The following SF3A2 variants were observed in gnomAD, a reference collection of about 807,000 sequenced individuals.
The protein encoded by SF3A2 is SAP 62.
Under a neutral mutation model 31.1 loss-of-function variants are expected in SF3A2, and 5 were observed. The ratio of observed to expected loss-of-function variants is 0.16; its 90% confidence interval spans 0.08 to 0.34. The LOEUF (loss-of-function observed/expected upper bound fraction) is 0.34. Among genes scored for constraint, SF3A2 ranks in the 10% least tolerant of loss-of-function variants. The pLI is 1.00. For missense variants in SF3A2, 577 were observed against 643.9 expected, an observed-to-expected ratio of 0.90 and a Z score of 1.13; for synonymous variants, 365 against 263.7, an observed-to-expected ratio of 1.38 and a Z score of -3.72.
At position 2,248,408 on chromosome 19, in the gene SF3A2, T is replaced by C. The variant is rs1599135012; in HGVS notation, c.1257T>C (p.Pro419=). Residue 419 remains proline (P), a synonymous_variant, in exon 9 of 9, where the codon CCT becomes CCC. Transcript: ENST00000221494. ...PQPPGVHPSA[P]GVHPQPPGVH... is the part of the protein sequence containing the mutation. ...CTCCCGGGGTCCATCCGTCGGCTCC[T>C]GGGGTCCACCCTCAGCCTCCGGGAG... 1 of 1,378,222 alleles carries C rather than the reference T, an allele frequency of 7.3e-7. No homozygotes were observed. Among genetic ancestry groups the C allele is most frequent in the Non-Finnish European group, 9.3e-7 (1 of 1,070,748 alleles). The allele number at this position is 1,378,222 out of a possible 1,614,324, so 85.4% of individuals were successfully genotyped here. A position where few individuals can be genotyped will look rare whatever the true frequency, so the allele number is the denominator to read the frequency against.
intron 7 of SF3A2, 115 bp from the exon 8 acceptor site, chr19:2,247,479 C>A: frequency 9.6e-7 from 1 of 1,037,246 alleles, no homozygotes; most frequent in South Asian, 1.4e-5. Context: ...CCAGCCTTCT[C>A]CTGGGCTCCC....
rs1374581401 is a variant in SF3A2 at position 2,248,629 on chromosome 19, C to T, written c.*83C>T. The T allele has an allele frequency of 2.4e-6, 1 of 424,916 alleles. No homozygotes were observed. The highest frequency in any genetic ancestry group is 4.1e-6 in the Non-Finnish European group (1 of 243,074). The allele number at this position is 424,916 out of a possible 1,614,324, so 26.3% of individuals were successfully genotyped here. ...AGAGAAGGCTGCTCTTTTGTACTGCCCCCCGCTCATTAAACAGCCTCCCCC... is the reference window on the plus strand; with the variant it reads ...AGAGAAGGCTGCTCTTTTGTACTGCTCCCCGCTCATTAAACAGCCTCCCCC... On this transcript the variant is annotated 3_prime_UTR_variant, in exon 9 of 9. Coordinates refer to ENST00000221494, the MANE Select transcript of SF3A2 (RefSeq NM_007165.5).
In SF3A2 at chr19:2,242,353, C is replaced by T. The variant is rs137896955; in HGVS notation, c.-37-1029C>T. ...CTTCTGGAGGCTCTGGGGGACAACT[C>T]GTTTCCTGCCTTTCCCAGTGTCCAG... On this transcript the variant is annotated intron_variant, in intron 1 of 8. Coordinates refer to ENST00000221494, the MANE Select transcript of SF3A2 (RefSeq NM_007165.5). Among the ~76,000 whole-genome samples the T allele has an allele frequency of 3.9e-5, 6 of 152,334 alleles. No homozygotes were observed. In the East Asian group the frequency reaches 7.7e-4, roughly 20 times the overall value.
At position 2,245,996 on chromosome 19, in the gene SF3A2, G is replaced by A. The variant is rs899663854; in HGVS notation, c.355+441G>A. 6.6e-6 allele frequency among the ~76,000 whole-genome samples: 1 copy of A among 152,194 alleles called. No homozygotes were observed. The highest frequency in any genetic ancestry group is 2.4e-5 in the African/African-American group (1 of 41,442). On this transcript the variant is annotated intron_variant, in intron 5 of 8. Coordinates refer to ENST00000221494, the MANE Select transcript of SF3A2 (RefSeq NM_007165.5). This position sits in a 1 kb window ranked among gnomAD's most constrained non-coding sequence, Gnocchi z 4.2. ...GCTAGAGGTGACCCCGGTTCAGAAA[G>A]CTGGGGAAGTGACCAGGGTGGAAGA...
chr19:2,243,467 G>A lies in SF3A2; in HGVS notation c.49G>A (p.Ala17Thr). ...PGGKTGSGGV[A>T]SSSESNRDRR... ...GGGCAAGACCGGGAGCGGGGGCGTG[G>A]CCTCCTCCTCCGAGAGCAACCGTGA... is the stretch of plus-strand genomic sequence containing the variant. Residue 17 changes from alanine to threonine, a missense_variant, in exon 2 of 9, where the codon GCC becomes ACC. Physicochemically the swap from Ala to Thr is moderately conservative, Grantham distance 58. This residue lies in a region of SF3A2 where 40 missense variants were observed against 50.0 expected (regional missense o/e 0.80). Coordinates refer to ENST00000221494, the MANE Select transcript of SF3A2 (RefSeq NM_007165.5). 1 of 1,556,100 alleles carries A rather than the reference G, an allele frequency of 6.4e-7. No homozygotes were observed. The highest frequency in any genetic ancestry group is 1.4e-5 in the African/African-American group (1 of 70,346).
Position 2,245,221 on chromosome 19 carries a change from G to A in SF3A2, c.246-225G>A. ...AAAAAAAGAGCAGAGGCATGGAGTT[G>A]TTGGAAGGGCCCCAGCCAGGGACAG... On this transcript the variant is annotated intron_variant, in intron 4 of 8. Coordinates refer to ENST00000221494, the MANE Select transcript of SF3A2 (RefSeq NM_007165.5). This position sits in a 1 kb window ranked among gnomAD's most constrained non-coding sequence, Gnocchi z 4.2. The A allele has an allele frequency of 1.9e-6, 1 of 530,484 alleles. No homozygotes were observed. The highest frequency in any genetic ancestry group is 3.4e-5 in the Admixed American group (1 of 29,204). 32.9% of individuals were successfully genotyped at this position (530,484 alleles called of 1,614,324 possible).
chr19:2,241,107 C>T lies in SF3A2; in HGVS notation c.-37-2275C>T, dbSNP rs780444903. Among the ~76,000 whole-genome samples the T allele has an allele frequency of 1.0e-3, 155 of 152,176 alleles. 1 individual carries two copies. The highest frequency in any genetic ancestry group is 1.7e-3 in the Non-Finnish European group (117 of 68,024). ...AGTAGGGGCGTGGTCCAGGAGAGGCCACGACAGGGACAAGCAGGGCGTTCG... is the reference window on the plus strand; with the variant it reads ...AGTAGGGGCGTGGTCCAGGAGAGGCTACGACAGGGACAAGCAGGGCGTTCG... On this transcript the variant is annotated intron_variant, in intron 1 of 8. Coordinates refer to ENST00000221494, the MANE Select transcript of SF3A2 (RefSeq NM_007165.5).
rs1203522746 is a variant in SF3A2 at position 2,245,895 on chromosome 19, C to T, written c.355+340C>T. ...GCCCTGGCACATCCCTCCGGTTAAC[C>T]TTGAAGCCTTTGAAGGAGGACAGGG... On this transcript the variant is annotated intron_variant, in intron 5 of 8. Transcript: ENST00000221494. This position sits in a 1 kb window ranked among gnomAD's most constrained non-coding sequence, Gnocchi z 4.2. 1 of 321,824 alleles carries T rather than the reference C, an allele frequency of 3.1e-6. No individual in the cohort carries two copies. The highest frequency in any genetic ancestry group is 5.9e-6 in the Non-Finnish European group (1 of 170,766). 19.9% of individuals were successfully genotyped at this position (321,824 alleles called of 1,614,324 possible).
Position 2,248,216 on chromosome 19 carries a change from T to C in SF3A2, c.1065T>C (p.Pro355=), listed in dbSNP as rs752623512. ...PPAPGVHPPA[P]GVHPPAPGVH... ...CCCCCGGAGTCCACCCACCAGCCCC[T>C]GGGGTTCACCCACCAGCCCCAGGGG... Residue 355 remains proline, a synonymous_variant, in exon 9 of 9, where the codon CCT becomes CCC. Coordinates refer to ENST00000221494, the MANE Select transcript of SF3A2 (RefSeq NM_007165.5). The C allele has an allele frequency of 3.5e-4, 351 of 993,984 alleles. 1 individual carries two copies. Among genetic ancestry groups the C allele is most frequent in the Middle Eastern group, 3.7e-4 (1 of 2,708 alleles). 61.6% of individuals were successfully genotyped at this position (993,984 alleles called of 1,614,324 possible). A position where few individuals can be genotyped will look rare whatever the true frequency, so the allele number is the denominator to read the frequency against.
chr19:2,248,227 C>A lies in SF3A2; in HGVS notation c.1076C>A (p.Pro359Gln). The A allele has an allele frequency of 6.9e-7, 1 of 1,457,268 alleles. No homozygotes were observed. The highest frequency in any genetic ancestry group is 2.4e-5 in the Admixed American group (1 of 42,354). 90.3% of individuals were successfully genotyped at this position (1,457,268 alleles called of 1,614,324 possible). Reference sequence around the variant, plus strand: ...CACCCACCAGCCCCTGGGGTTCACCCACCAGCCCCAGGGGTCCATCCTCCC... The same window carrying A: ...CACCCACCAGCCCCTGGGGTTCACCAACCAGCCCCAGGGGTCCATCCTCCC... ...GVHPPAPGVH[P>Q]PAPGVHPPPS... The change falls in exon 9 of 9, where the codon CCA becomes CAA. Residue 359 changes from proline (P) to glutamine (Q), a missense_variant. Physicochemically the swap from Pro to Gln is moderately conservative, Grantham distance 76. Coordinates refer to ENST00000221494, the MANE Select transcript of SF3A2 (RefSeq NM_007165.5).
At position 2,248,081 on chromosome 19, in the gene SF3A2, C is replaced by T; in HGVS notation, c.930C>T (p.Pro310=). ...ATCCCCCAGCTCCTGGCGTCCACCC[C>T]CCAGCTCCTGGCGTCCATCCCCCAG... ...GVHPPAPGVH[P]PAPGVHPPAP... Residue 310 remains proline (P), a synonymous_variant, in exon 9 of 9, where the codon CCC becomes CCT. Transcript: ENST00000221494. 1 of 952,302 alleles carries T rather than the reference C, an allele frequency of 1.1e-6. No homozygotes were observed. The highest frequency in any genetic ancestry group is 1.6e-6 in the Non-Finnish European group (1 of 614,418). 59.0% of individuals were successfully genotyped at this position (952,302 alleles called of 1,614,324 possible). A position where few individuals can be genotyped will look rare whatever the true frequency, so the allele number is the denominator to read the frequency against.
At chr19:2,247,736 G>T (rs774446636) in intron 8 of SF3A2, 31 bp from the exon 9 acceptor site, 8 of 1,578,016 alleles carry the variant, frequency 5.1e-6, no homozygotes, top group Non-Finnish European at 6.1e-6. Flanking sequence ...AGCCCCACCC[G>T]TGCCTGCTGA....
chr19:2,242,354 G>A (rs890951139), intron 1 of SF3A2, among the ~76,000 whole-genome samples: 6 of 152,234 alleles, frequency 3.9e-5, no homozygotes, highest in African/African-American at 1.2e-4. Flanking sequence ...GGGACAACTC[G>A]TTTCCTGCCT....
Position 2,248,165 on chromosome 19 carries a change from T to TCCAGCCCCCGGAGTCCACCCA in SF3A2, c.1025_1026insAGTCCACCCACCAGCCCCCGG (p.Ala361_Pro367dup). On this transcript the variant is annotated inframe_insertion, in exon 9 of 9. Coordinates refer to ENST00000221494, the MANE Select transcript of SF3A2 (RefSeq NM_007165.5). ...ACCCCCCAGCTCCTGGAGTCCACCC[T>TCCAGCCCCCGGAGTCCACCCA]CCAGCCCCCGGGGTTCACCCACCAG... The TCCAGCCCCCGGAGTCCACCCA allele has an allele frequency of 3.1e-6, 4 of 1,288,676 alleles. No individual in the cohort carries two copies. Among genetic ancestry groups the TCCAGCCCCCGGAGTCCACCCA allele is most frequent in the Non-Finnish European group, 4.1e-6 (4 of 981,740 alleles). The allele number at this position is 1,288,676 out of a possible 1,614,324, so 79.8% of individuals were successfully genotyped here.
At chr19:2,241,839 G>A (rs1273968199) in intron 1 of SF3A2, among the ~76,000 whole-genome samples, 1 of 152,152 alleles carries the variant, frequency 6.6e-6, no homozygotes, top group Non-Finnish European at 1.5e-5. Flanking sequence ...CGAAGTTTAC[G>A]TGACAACATG....
intron 1 of SF3A2, among the ~76,000 whole-genome samples, chr19:2,238,273 C>T (rs1419002317): frequency 1.3e-5 from 2 of 152,230 alleles, no homozygotes; most frequent in Admixed American, 6.5e-5. Flanking sequence ...CCACCTGCCA[C>T]GGCCTCCCAA....
In SF3A2 at chr19:2,245,859, A is replaced by G. The variant is rs2024927043; in HGVS notation, c.355+304A>G. ...TTGCCAAGCAAAAGAGTGGAAGTGG[A>G]GGTGTGGTGAGCCCTGGCACATCCC... is the stretch of plus-strand genomic sequence containing the variant. On this transcript the variant is annotated intron_variant, in intron 5 of 8. Transcript: ENST00000221494. The surrounding 1 kb of genome is among the most constrained non-coding windows in gnomAD (Gnocchi z 4.2). 7.1e-6 allele frequency: 3 copies of G among 422,228 alleles called. No individual in the cohort carries two copies. Among genetic ancestry groups the G allele is most frequent in the African/African-American group, 4.1e-5 (2 of 49,266 alleles). 26.2% of individuals were successfully genotyped at this position (422,228 alleles called of 1,614,324 possible). A position where few individuals can be genotyped will look rare whatever the true frequency, so the allele number is the denominator to read the frequency against.
chr19:2,241,040 G>T (rs561482453), intron 1 of SF3A2, among the ~76,000 whole-genome samples: 17 of 152,346 alleles, frequency 1.1e-4, no homozygotes, highest in African/African-American at 3.8e-4. Flanking sequence ...GTGCAGGCTT[G>T]GGGGTAGAGA....
In SF3A2 at chr19:2,246,271, G is replaced by A. The variant is rs2024931805; in HGVS notation, c.356-482G>A. Reference sequence around the variant, plus strand: ...AGGGCTTGTGAGTGTGCGTGTCTGAGGCCGCATGGAGAGTGGCCGGGCGGC... The same window carrying A: ...AGGGCTTGTGAGTGTGCGTGTCTGAAGCCGCATGGAGAGTGGCCGGGCGGC... On this transcript the variant is annotated intron_variant, in intron 5 of 8. Coordinates refer to ENST00000221494, the MANE Select transcript of SF3A2 (RefSeq NM_007165.5). The surrounding 1 kb of genome is among the most constrained non-coding windows in gnomAD (Gnocchi z 5.5). Among the ~76,000 whole-genome samples the A allele has an allele frequency of 6.6e-6, 1 of 152,080 alleles. No homozygotes were observed. Among genetic ancestry groups the A allele is most frequent in the Non-Finnish European group, 1.5e-5 (1 of 67,990 alleles).
Sources: allele counts gnomAD v4.1 joint callset (sites outside exome capture counted in the v4.1 genomes callset), GRCh38; gene constraint gnomAD v4.1.1; regional missense constraint gnomAD v4.1.1; non-coding constraint Gnocchi (gnomAD v3.1); transcripts MANE v1.5; gene names NCBI Gene and HGNC (gene_info 2026-07-23, HGNC 2026-07-21).